CORIN: variants seen among roughly 807,000 people sequenced by gnomAD.
The protein encoded by CORIN is corin, serine peptidase, also known as atrial natriuretic peptide-converting enzyme.
A neutral mutation model predicts 125.3 loss-of-function variants in CORIN; 117 were observed. The observed-to-expected ratio is 0.93, with a 90% CI of 0.80 to 1.09. The LOEUF (loss-of-function observed/expected upper bound fraction) is 1.09. CORIN is among the 50% of genes least tolerant of loss of function. CORIN has a pLI of 0.00. For synonymous variants in CORIN, 450 were observed against 466.4 expected (o/e 0.96, Z 0.45); for missense variants, 1,253 against 1,306.7 (o/e 0.96, Z 0.63).
intron 5 of CORIN, among the ~76,000 whole-genome samples, chr4:47,696,413 A>G (rs567895958): frequency 2.0e-5 from 3 of 152,152 alleles, no homozygotes; most frequent in Non-Finnish European, 2.9e-5. Context: ...CTGAGTGTCT[A>G]CTATGTGCAA....
chr4:47,729,924 C>G (rs1577869983), intron 5 of CORIN, among the ~76,000 whole-genome samples: 1 of 152,096 alleles, frequency 6.6e-6, no homozygotes, highest in East Asian at 1.9e-4. Flanking sequence ...CTGGGTGCTC[C>G]GGCTCCAGGG....
intron 5 of CORIN, among the ~76,000 whole-genome samples, chr4:47,739,106 G>GA (rs1728264466): frequency 6.6e-6 from 1 of 151,938 alleles, no homozygotes; most frequent in South Asian, 2.1e-4. Context: ...GGGAGTCCCA[G>GA]AAAGAGATAA....
chr4:47,796,577 C>G (rs1028245940), intron 2 of CORIN, among the ~76,000 whole-genome samples: 1 of 151,930 alleles, frequency 6.6e-6, no homozygotes, highest in Non-Finnish European at 1.5e-5. Context: ...GCAAAATGTT[C>G]TTATCATGGA....
chr4:47,644,106 T>G (rs1246494714), intron 14 of CORIN, among the ~76,000 whole-genome samples: 1 of 152,170 alleles, frequency 6.6e-6, no homozygotes, highest in Non-Finnish European at 1.5e-5. Flanking sequence ...CTTTTTGCAG[T>G]TCAGCTGTTT....
intron 17 of CORIN, among the ~76,000 whole-genome samples, chr4:47,624,991 C>A (rs1341399039): frequency 1.3e-5 from 2 of 152,026 alleles, no homozygotes; most frequent in Non-Finnish European, 2.9e-5. Flanking sequence ...TATTTGCATA[C>A]AATAAATTAT....
chr4:47,761,132 C>T (rs576701770), intron 4 of CORIN, among the ~76,000 whole-genome samples: 6 of 152,300 alleles, frequency 3.9e-5, no homozygotes, highest in African/African-American at 1.2e-4. Context: ...TGTGTGTTCA[C>T]GGATGTAGCA....
intron 3 of CORIN, among the ~76,000 whole-genome samples, chr4:47,781,404 A>C (rs988701545): frequency 6.6e-6 from 1 of 152,212 alleles, no homozygotes; most frequent in African/African-American, 2.4e-5. Context: ...ACTTTCAGTA[A>C]GGTGTACAAT....
At chr4:47,730,200 C>T (rs1218598298) in intron 5 of CORIN, among the ~76,000 whole-genome samples, 4 of 152,064 alleles carry the variant, frequency 2.6e-5, no homozygotes, top group South Asian at 2.1e-4. Flanking sequence ...GCAGGCCGGG[C>T]GCGGTGGCTC....
Position 47,600,317 on chromosome 4 carries a change from C to T in CORIN, c.2843G>A (p.Arg948His), listed in dbSNP as rs144827232. The change falls in exon 21 of 22, where the codon CGC becomes CAC. Residue 948 changes from arginine (R) to histidine (H), a missense_variant. By Grantham distance (29) the Arg-to-His change is conservative (BLOSUM62 0). Coordinates refer to ENST00000273857, the MANE Select transcript of CORIN (RefSeq NM_006587.4). ...MPFKLQEGEV[R>H]IISLEHCQSY... ...CTGACAATGTTCCAGAGAAATAATG[C>T]GGACCTCTCCCTCTTGCAGCTTAAA... 1.7e-5 allele frequency: 28 copies of T among 1,612,376 alleles called. No homozygotes were observed. Among genetic ancestry groups the T allele is most frequent in the Middle Eastern group, 1.7e-4 (1 of 6,058 alleles).
At chr4:47,768,274 T>C (rs2109880757) in intron 3 of CORIN, among the ~76,000 whole-genome samples, 1 of 152,338 alleles carries the variant, frequency 6.6e-6, no homozygotes, top group East Asian at 1.9e-4. Flanking sequence ...ACAGCCTTGT[T>C]GCTCACACAA....
chr4:47,680,892 A>G (rs1216471734), intron 7 of CORIN: 1 of 152,300 alleles, frequency 6.6e-6, no homozygotes, highest in East Asian at 1.9e-4. Context: ...TTGGGACTAC[A>G]AGGAATATGC....
intron 3 of CORIN, among the ~76,000 whole-genome samples, chr4:47,766,415 T>A (rs1195500913): frequency 5.9e-5 from 9 of 152,066 alleles, no homozygotes; most frequent in Non-Finnish European, 1.3e-4. Context: ...ACTCTTACTA[T>A]TTCTTAAGAA....
chr4:47,756,503 C>T (rs1443656259), intron 4 of CORIN, among the ~76,000 whole-genome samples: 1 of 152,146 alleles, frequency 6.6e-6, no homozygotes, highest in Admixed American at 6.6e-5. Flanking sequence ...TTTGAGGAAA[C>T]TCATTTGGTT....
Position 47,653,405 on chromosome 4 carries a change from C to T in CORIN, c.1843+148G>A, listed in dbSNP as rs551832214. Reference sequence around the variant, plus strand: ...TCAGGAAAAACACTTAAAATATATGCCATACTGTTCAATAATTTAAGAAGT... The same window carrying T: ...TCAGGAAAAACACTTAAAATATATGTCATACTGTTCAATAATTTAAGAAGT... On this transcript the variant is annotated intron_variant, in intron 13 of 21. Transcript: ENST00000273857. 1.8e-4 allele frequency: 121 copies of T among 667,088 alleles called. 1 individual carries two copies. The African/African-American group carries it at 2.0e-3, about 11-fold the overall frequency. The allele number at this position is 667,088 out of a possible 1,614,324, so 41.3% of individuals were successfully genotyped here. A position where few individuals can be genotyped will look rare whatever the true frequency, so the allele number is the denominator to read the frequency against.
intron 4 of CORIN, among the ~76,000 whole-genome samples, chr4:47,747,048 G>A (rs1354576089): frequency 6.6e-6 from 1 of 152,070 alleles, no homozygotes; most frequent in African/African-American, 2.4e-5. Context: ...CTTGTCGTTG[G>A]TGTTCCTCCT....
chr4:47,807,242 G>A (rs1731839423), intron 1 of CORIN, among the ~76,000 whole-genome samples, 195 bp from the exon 2 acceptor site: 1 of 152,230 alleles, frequency 6.6e-6, no homozygotes, highest in South Asian at 2.1e-4. Context: ...ATTCAGGGAA[G>A]AGCAAACTAT....
At chr4:47,769,916 G>T (rs1329314426) in intron 3 of CORIN, among the ~76,000 whole-genome samples, 1 of 152,028 alleles carries the variant, frequency 6.6e-6, no homozygotes, top group Non-Finnish European at 1.5e-5. Flanking sequence ...ACTACTAGAA[G>T]AATACATAGG....
intron 3 of CORIN, among the ~76,000 whole-genome samples, chr4:47,766,642 A>G (rs1447044313): frequency 6.6e-6 from 1 of 152,044 alleles, no homozygotes; most frequent in Non-Finnish European, 1.5e-5. Flanking sequence ...GCATCATTAT[A>G]CTCATTATAA....
At chr4:47,675,573 C>T (rs922877869) in intron 9 of CORIN, among the ~76,000 whole-genome samples, 28 of 152,036 alleles carry the variant, frequency 1.8e-4, no homozygotes, top group Non-Finnish European at 4.1e-4. Context: ...ATATTAAGTG[C>T]ATGCCATGTG....
Sources: allele counts gnomAD v4.1 joint callset (sites outside exome capture counted in the v4.1 genomes callset), GRCh38; gene constraint gnomAD v4.1.1; transcripts MANE v1.5; gene names NCBI Gene and HGNC (gene_info 2026-07-23, HGNC 2026-07-21).